PTPN14: variants seen among roughly 807,000 people sequenced by gnomAD.
PTPN14 encodes tyrosine-protein phosphatase non-receptor type 14.
Under a neutral mutation model 126.8 loss-of-function variants are expected in PTPN14, and 53 were observed. The ratio of observed to expected loss-of-function variants is 0.42; its 90% confidence interval spans 0.34 to 0.53. PTPN14 has a LOEUF of 0.53. Ranked by LOEUF, PTPN14 falls within the 20% of genes least tolerant of loss-of-function variation. The probability of loss-of-function intolerance (pLI) is 0.08; values close to 1 mark genes in which losing one functional copy is unlikely to be tolerated. For synonymous variants in PTPN14, 630 were observed against 599.3 expected, an observed-to-expected ratio of 1.05 and a Z score of -0.75; for missense variants, 1,257 against 1,552.9, an observed-to-expected ratio of 0.81 and a Z score of 3.20.
rs1658743889 is a variant in PTPN14 at position 214,391,182 on chromosome 1, G to A, written c.930-137C>T. 1.0e-5 allele frequency: 5 copies of A among 476,580 alleles called. No homozygotes were observed. In the South Asian group the frequency reaches 3.3e-4, roughly 31 times the overall value. 29.5% of individuals were successfully genotyped at this position (476,580 alleles called of 1,614,324 possible). A position where few individuals can be genotyped will look rare whatever the true frequency, so the allele number is the denominator to read the frequency against. Reference sequence around the variant, plus strand: ...AAACATAAACGTGGCTTATTTCTGGGTGGTAACACTAAGAACAATCTTGAT... The same window carrying A: ...AAACATAAACGTGGCTTATTTCTGGATGGTAACACTAAGAACAATCTTGAT... On this transcript the variant is annotated intron_variant, in intron 10 of 18. Coordinates refer to ENST00000366956, the MANE Select transcript of PTPN14 (RefSeq NM_005401.5).
At chr1:214,378,498 C>G (rs1313976297) in intron 13 of PTPN14, among the ~76,000 whole-genome samples, 2 of 152,186 alleles carry the variant, frequency 1.3e-5, no homozygotes, top group Non-Finnish European at 2.9e-5. Context: ...ATCACAGTGA[C>G]GGACCTTCTG....
At chr1:214,402,037 G>C (rs1265230294) in intron 6 of PTPN14, among the ~76,000 whole-genome samples, 3 of 151,832 alleles carry the variant, frequency 2.0e-5, no homozygotes, top group Non-Finnish European at 4.4e-5. Flanking sequence ...CATTATTCCA[G>C]ACATCCCTTC....
chr1:214,489,304 C>T (rs1208538933), intron 1 of PTPN14, among the ~76,000 whole-genome samples: 3 of 152,234 alleles, frequency 2.0e-5, no homozygotes, highest in Admixed American at 2.0e-4. Flanking sequence ...GGACACAAAG[C>T]CAGGAAGTGG....
intron 1 of PTPN14, among the ~76,000 whole-genome samples, chr1:214,521,126 A>G (rs544537479): frequency 3.3e-5 from 5 of 152,348 alleles, no homozygotes; most frequent in African/African-American, 1.2e-4. Flanking sequence ...AATGCAATTT[A>G]AAAAATAAAA....
intron 18 of PTPN14, among the ~76,000 whole-genome samples, chr1:214,359,363 AC>A (rs1454056580): frequency 1.3e-5 from 2 of 149,162 alleles, no homozygotes; most frequent in African/African-American, 2.5e-5. Context: ...ACAGGCACGC[AC>A]CACCATGCCT....
In PTPN14 at chr1:214,351,755, T is replaced by C. The variant is rs902612177; in HGVS notation, c.*6167A>G. The C allele has an allele frequency of 5.3e-5, 8 of 152,204 alleles. No homozygotes were observed. The highest frequency in any genetic ancestry group is 3.3e-4 in the Admixed American group (5 of 15,272). The allele number at this position is 152,204 out of a possible 1,614,324, so 9.4% of individuals were successfully genotyped here. On this transcript the variant is annotated 3_prime_UTR_variant, in exon 19 of 19. Transcript: ENST00000366956. ...TTTAAAACTATGAGCTAGGGTGAAA[T>C]AGACTCCAACACTGCTGCAGGCTTT... is the stretch of plus-strand genomic sequence containing the variant.
At chr1:214,406,867 G>T (rs1659183905) in intron 5 of PTPN14, among the ~76,000 whole-genome samples, 1 of 152,108 alleles carries the variant, frequency 6.6e-6, no homozygotes, top group South Asian at 2.1e-4. Flanking sequence ...ACCCAAACCT[G>T]ATCTCTTCCT....
At chr1:214,405,829 T>C (rs1052821276) in intron 5 of PTPN14, among the ~76,000 whole-genome samples, 1 of 152,178 alleles carries the variant, frequency 6.6e-6, no homozygotes, top group Non-Finnish European at 1.5e-5. Context: ...ACAACGAAAT[T>C]AGGCTTGTTA....
chr1:214,392,026 T>G (rs1658764701), intron 10 of PTPN14, among the ~76,000 whole-genome samples: 1 of 152,094 alleles, frequency 6.6e-6, no homozygotes, highest in African/African-American at 2.4e-5. Context: ...TAACGATCTT[T>G]TAGAGGTCAG....
At chr1:214,523,918 C>T (rs1476506114) in intron 1 of PTPN14, among the ~76,000 whole-genome samples, 4 of 148,038 alleles carry the variant, frequency 2.7e-5, no homozygotes, top group Non-Finnish European at 3.0e-5. Flanking sequence ...GGTACAATCT[C>T]GGCTCTCTGC....
chr1:214,367,546 C>G (rs1046694256), intron 17 of PTPN14, among the ~76,000 whole-genome samples: 1 of 152,098 alleles, frequency 6.6e-6, no homozygotes, highest in Non-Finnish European at 1.5e-5. Context: ...AAAATAAAAT[C>G]AAGGTTTTGA....
intron 1 of PTPN14, among the ~76,000 whole-genome samples, chr1:214,489,585 C>A (rs1431079151): frequency 1.3e-5 from 2 of 152,210 alleles, no homozygotes; most frequent in East Asian, 3.8e-4. Flanking sequence ...GATGCCTCAT[C>A]TCTGGATTTG....
At chr1:214,417,080 G>A (rs1056541926) in intron 3 of PTPN14, among the ~76,000 whole-genome samples, 1 of 151,412 alleles carries the variant, frequency 6.6e-6, no homozygotes, top group Non-Finnish European at 1.5e-5. Context: ...TTTCCAAAGA[G>A]ATCCTCTTTG....
intron 16 of PTPN14, among the ~76,000 whole-genome samples, chr1:214,371,252 T>G (rs144960427): frequency 2.0e-5 from 3 of 152,248 alleles, no homozygotes; most frequent in Non-Finnish European, 2.9e-5. Context: ...TTAACCCTTT[T>G]TCCATTTTTA....
intron 3 of PTPN14, among the ~76,000 whole-genome samples, chr1:214,438,504 T>G (rs1239226171): frequency 6.6e-6 from 1 of 152,356 alleles, no homozygotes; most frequent in African/African-American, 2.4e-5. Flanking sequence ...AGGGACAAAT[T>G]TGAAGTTATC....
intron 7 of PTPN14, among the ~76,000 whole-genome samples, chr1:214,398,259 T>G (rs1658932580): frequency 6.6e-6 from 1 of 152,166 alleles, no homozygotes; most frequent in Non-Finnish European, 1.5e-5. Flanking sequence ...ACACGTGTTC[T>G]CACTTACACA....
intron 1 of PTPN14, among the ~76,000 whole-genome samples, chr1:214,527,449 A>C (rs964784987): frequency 2.0e-5 from 3 of 152,214 alleles, no homozygotes; most frequent in Non-Finnish European, 2.9e-5. Flanking sequence ...GAATTCAAAA[A>C]TTCTGAATAA....
At chr1:214,542,231 G>C (rs919002791) in intron 1 of PTPN14, among the ~76,000 whole-genome samples, 4 of 152,228 alleles carry the variant, frequency 2.6e-5, no homozygotes, top group Non-Finnish European at 4.4e-5. Context: ...GTATGTGTGT[G>C]CCTGTGTATA....
Position 214,489,476 on chromosome 1 carries a change from C to G in PTPN14, c.-154-24519G>C, listed in dbSNP as rs1376322633. On this transcript the variant is annotated intron_variant, in intron 1 of 18. Coordinates refer to ENST00000366956, the MANE Select transcript of PTPN14 (RefSeq NM_005401.5). ...GTATTATTGCTTCTGAGAGGCCACACTTCCCAATTTTCATCCAGTCAACTC... is the reference window on the plus strand; with the variant it reads ...GTATTATTGCTTCTGAGAGGCCACAGTTCCCAATTTTCATCCAGTCAACTC... Among the ~76,000 whole-genome samples, 8 of 152,294 alleles carry G rather than the reference C, an allele frequency of 5.3e-5. No individual in the cohort carries two copies. The East Asian group carries it at 1.4e-3, about 26-fold the overall frequency.
Sources: gnomAD v4.1 joint callset for allele counts (sites outside exome capture counted in the v4.1 genomes callset) on GRCh38, gnomAD v4.1.1 for gene constraint, MANE v1.5 for transcripts, NCBI Gene and HGNC (gene_info 2026-07-23, HGNC 2026-07-21) for gene names.